The following PAX3 variants were observed in gnomAD, a reference collection of about 807,000 sequenced individuals.
The protein encoded by PAX3 is paired box 3, also known as paired box protein Pax-3.
PAX3 carries 14 observed loss-of-function variants against 51.6 expected under a neutral mutation model. The observed-to-expected ratio is 0.27, with a 90% CI of 0.18 to 0.42. The LOEUF is 0.42. Ranked by LOEUF, PAX3 falls within the 10% of genes least tolerant of loss-of-function variation. The probability of loss-of-function intolerance (pLI) is 1.00; values close to 1 mark genes in which losing one functional copy is unlikely to be tolerated. For synonymous variants in PAX3, 280 were observed against 253.4 expected (o/e 1.11, Z -1.00); for missense variants, 540 against 642.8 (o/e 0.84, Z 1.73).
chr2:222,215,702 AT>A (rs1253387094), intron 7 of PAX3, among the ~76,000 whole-genome samples: 1 of 152,068 alleles, frequency 6.6e-6, no homozygotes, highest in Non-Finnish European at 1.5e-5. Flanking sequence ...CCAAGGCAGC[AT>A]TCCTTTTTCC....
At chr2:222,237,357 C>G (rs1489189704) in intron 4 of PAX3, among the ~76,000 whole-genome samples, 1 of 150,142 alleles carries the variant, frequency 6.7e-6, no homozygotes, top group Non-Finnish European at 1.5e-5. Context: ...CACACACACA[C>G]ACAGTTCTTT....
At chr2:222,278,744 G>A (rs111264605) in intron 4 of PAX3, among the ~76,000 whole-genome samples, 2,507 of 152,318 alleles carry the variant, frequency 0.016, 63 homozygotes, top group African/African-American at 0.056. Context: ...AGTGAAGACA[G>A]GATCTGCTGA....
intron 2 of PAX3, 87 bp from the exon 3 acceptor site, chr2:222,295,744 G>A (rs45481093): frequency 1.4e-6 from 2 of 1,452,982 alleles, no homozygotes; most frequent in East Asian, 2.3e-5. Flanking sequence ...CTGTCGGGAT[G>A]CTCCTCGCTG....
chr2:222,237,360 A>ACACACACC (rs56992152), intron 4 of PAX3, among the ~76,000 whole-genome samples: 1 of 149,408 alleles, frequency 6.7e-6, no homozygotes, highest in African/African-American at 2.5e-5. Flanking sequence ...ACACACACAC[A>ACACACACC]GTTCTTTTGA....
chr2:222,223,006 G>T (rs1692257545), intron 5 of PAX3, among the ~76,000 whole-genome samples: 1 of 152,168 alleles, frequency 6.6e-6, no homozygotes, highest in Non-Finnish European at 1.5e-5. Context: ...GTTACAGGAG[G>T]CCAGCTTAAG....
chr2:222,282,346 G>C (rs958929479), intron 4 of PAX3, among the ~76,000 whole-genome samples: 4 of 151,924 alleles, frequency 2.6e-5, no homozygotes, highest in Admixed American at 2.0e-4. Flanking sequence ...TCAGATTTAA[G>C]GGAAAATAGA....
At chr2:222,213,548 T>G (rs1325435410) in intron 7 of PAX3, among the ~76,000 whole-genome samples, 3 of 152,104 alleles carry the variant, frequency 2.0e-5, no homozygotes, top group Non-Finnish European at 4.4e-5. Context: ...ACAAACTGCT[T>G]TAGAAAAGAA....
At chr2:222,259,465 C>T (rs1246232701) in intron 4 of PAX3, among the ~76,000 whole-genome samples, 4 of 152,154 alleles carry the variant, frequency 2.6e-5, no homozygotes, top group African/African-American at 9.7e-5. Flanking sequence ...AAAGACTAGG[C>T]ATAGCATTCT....
At chr2:222,286,528 A>G (rs562588534) in intron 4 of PAX3, among the ~76,000 whole-genome samples, 3 of 152,350 alleles carry the variant, frequency 2.0e-5, no homozygotes, top group East Asian at 3.9e-4. Context: ...TACTTCAATC[A>G]ACTTACTTTA....
At chr2:222,282,773 C>G (rs1297107974) in intron 4 of PAX3, among the ~76,000 whole-genome samples, 2 of 152,096 alleles carry the variant, frequency 1.3e-5, no homozygotes, top group East Asian at 3.9e-4. Context: ...AAAAAGGAAC[C>G]AATAAGTCAA....
chr2:222,262,474 G>C (rs2106146330), intron 4 of PAX3: 1 of 152,128 alleles, frequency 6.6e-6, no homozygotes, highest in South Asian at 2.1e-4. Flanking sequence ...GACATCCTCA[G>C]TTTGGCAGAT....
intron 4 of PAX3, among the ~76,000 whole-genome samples, chr2:222,267,672 G>A (rs192334963): frequency 1.6e-4 from 25 of 152,168 alleles, no homozygotes; most frequent in Admixed American, 1.3e-4. Context: ...TGCCACCAAC[G>A]TGATTCCTGT....
chr2:222,213,347 G>T (rs1691822161), intron 7 of PAX3, among the ~76,000 whole-genome samples: 1 of 152,134 alleles, frequency 6.6e-6, no homozygotes, highest in Non-Finnish European at 1.5e-5. Flanking sequence ...CCTGCTCATT[G>T]ATTCAACAAA....
chr2:222,290,000 C>T (rs889822927), intron 4 of PAX3, among the ~76,000 whole-genome samples: 12 of 152,148 alleles, frequency 7.9e-5, no homozygotes, highest in African/African-American at 2.9e-4. Flanking sequence ...TGCCATAAAC[C>T]TATGATCTTA....
intron 3 of PAX3, 33 bp from the exon 4 acceptor site, chr2:222,294,334 C>A (rs1001086529): frequency 5.0e-6 from 8 of 1,612,434 alleles, no homozygotes; most frequent in Non-Finnish European, 6.8e-6. Flanking sequence ...AGCAAGGGAG[C>A]GCACATGGTT....
intron 4 of PAX3, among the ~76,000 whole-genome samples, chr2:222,285,320 T>C (rs1694794203): frequency 6.6e-6 from 1 of 152,152 alleles, no homozygotes; most frequent in Admixed American, 6.5e-5. Context: ...ATAAAATGCT[T>C]TTGAAAGAAA....
intron 4 of PAX3, among the ~76,000 whole-genome samples, chr2:222,238,927 G>A (rs184032638): frequency 6.6e-6 from 1 of 152,302 alleles, no homozygotes; most frequent in African/African-American, 2.4e-5. Context: ...GCGCTTGTGA[G>A]TTTTGCCATT....
At chr2:222,294,754 C>T (rs1238229331) in intron 3 of PAX3, among the ~76,000 whole-genome samples, 4 of 96,312 alleles carry the variant, frequency 4.2e-5, no homozygotes, top group Admixed American at 1.2e-4. Context: ...GCCGACTTGT[C>T]CGCGCCCCCC....
chr2:222,296,537 C>T (rs1010760969), intron 2 of PAX3, among the ~76,000 whole-genome samples: 1 of 152,048 alleles, frequency 6.6e-6, no homozygotes, highest in Admixed American at 6.5e-5. Flanking sequence ...CTGGGGGAGA[C>T]TGAGGGCGGG....
Sources: gnomAD v4.1 joint callset for allele counts (sites outside exome capture counted in the v4.1 genomes callset) on GRCh38, gnomAD v4.1.1 for gene constraint, MANE v1.5 for transcripts, NCBI Gene and HGNC (gene_info 2026-07-23, HGNC 2026-07-21) for gene names.